Variants in HHAT observed in about 807,000 individuals in gnomAD.
HHAT encodes protein-cysteine N-palmitoyltransferase HHAT.
Under a neutral mutation model 70.8 loss-of-function variants are expected in HHAT, and 47 were observed. The observed-to-expected ratio is 0.66, with a 90% CI of 0.53 to 0.85. HHAT has a LOEUF of 0.85. HHAT is among the 40% of genes least tolerant of loss of function. HHAT has a pLI of 0.00. For synonymous variants in HHAT, 228 were observed against 247.6 expected, an observed-to-expected ratio of 0.92 and a Z score of 0.74; for missense variants, 609 against 604.8, an observed-to-expected ratio of 1.01 and a Z score of -0.07.
chr1:210,645,960 C>T (rs1673968123), intron 11 of HHAT, among the ~76,000 whole-genome samples: 1 of 152,178 alleles, frequency 6.6e-6, no homozygotes, highest in Non-Finnish European at 1.5e-5. Flanking sequence ...GTTTAGCCTC[C>T]CTGTTGCTGC....
At chr1:210,533,011 C>T (rs376151118) in intron 9 of HHAT, among the ~76,000 whole-genome samples, 1 of 152,152 alleles carries the variant, frequency 6.6e-6, no homozygotes, top group South Asian at 2.1e-4. Flanking sequence ...CTGGAATATA[C>T]CCTAGTTGAG....
intron 10 of HHAT, among the ~76,000 whole-genome samples, chr1:210,607,974 C>G (rs573584078): frequency 2.0e-5 from 3 of 152,276 alleles, no homozygotes; most frequent in African/African-American, 4.8e-5. Flanking sequence ...ATTTGCACTT[C>G]TTTTCACCCT....
intron 9 of HHAT, among the ~76,000 whole-genome samples, chr1:210,558,980 A>AGTG (rs1256479138): frequency 2.6e-5 from 4 of 152,222 alleles, no homozygotes; most frequent in African/African-American, 9.6e-5. Flanking sequence ...GATATCAATT[A>AGTG]GTGACTCATG....
At chr1:210,373,883 A>T (rs1439772363) in intron 3 of HHAT, among the ~76,000 whole-genome samples, 1 of 152,260 alleles carries the variant, frequency 6.6e-6, no homozygotes, top group Non-Finnish European at 1.5e-5. Context: ...AGGATCTTAA[A>T]GGCCATCACT....
intron 3 of HHAT, chr1:210,374,156 G>C (rs180810557): frequency 3.9e-5 from 6 of 152,092 alleles, no homozygotes; most frequent in African/African-American, 1.2e-4. Flanking sequence ...AACATGATCT[G>C]CCTCCCCAGG....
At chr1:210,515,169 G>A (rs1003674337) in intron 9 of HHAT, among the ~76,000 whole-genome samples, 3 of 152,228 alleles carry the variant, frequency 2.0e-5, no homozygotes, top group African/African-American at 7.2e-5. Context: ...CAGGTAGGGG[G>A]CAGAGTAAAT....
At chr1:210,405,515 T>C (rs570720075) in intron 6 of HHAT, among the ~76,000 whole-genome samples, 5 of 152,176 alleles carry the variant, frequency 3.3e-5, no homozygotes, top group Admixed American at 2.6e-4. Context: ...TACACAGACA[T>C]GCATGCACAC....
At position 210,469,184 on chromosome 1, in the gene HHAT, C is replaced by T. The variant is rs191746911; in HGVS notation, c.1007+4529C>T. Among the ~76,000 whole-genome samples, 161 of 152,206 alleles carry T rather than the reference C, an allele frequency of 1.1e-3. 1 individual carries two copies. Among genetic ancestry groups the T allele is most frequent in the African/African-American group, 3.7e-3 (154 of 41,536 alleles). On this transcript the variant is annotated intron_variant, in intron 8 of 11. Coordinates refer to ENST00000261458, the MANE Select transcript of HHAT (RefSeq NM_018194.6). The stretch of plus-strand genomic sequence containing the variant: ...GATGAAAGGCTCAATTTCAGCTCTG[C>T]ACCGGAGATGTGATGATTCTGAGAT...
At chr1:210,530,505 C>T (rs760973754) in intron 9 of HHAT, among the ~76,000 whole-genome samples, 24 of 152,136 alleles carry the variant, frequency 1.6e-4, no homozygotes, top group Admixed American at 3.9e-4. Context: ...AAATGGGTGA[C>T]AGTACCGGCA....
At chr1:210,596,681 G>C (rs1466085464) in intron 10 of HHAT, among the ~76,000 whole-genome samples, 2 of 152,004 alleles carry the variant, frequency 1.3e-5, no homozygotes, top group Non-Finnish European at 2.9e-5. Flanking sequence ...TTATTTCAGT[G>C]TCTGTTAAAT....
intron 5 of HHAT, among the ~76,000 whole-genome samples, chr1:210,403,055 T>A (rs2092153425): frequency 6.6e-6 from 1 of 152,212 alleles, no homozygotes; most frequent in African/African-American, 2.4e-5. Context: ...AACGGGATAA[T>A]CTATGTTAAG....
At chr1:210,440,957 A>G (rs1210525816) in intron 7 of HHAT, among the ~76,000 whole-genome samples, 1 of 152,218 alleles carries the variant, frequency 6.6e-6, no homozygotes, top group Non-Finnish European at 1.5e-5. Flanking sequence ...GAAAATGAGT[A>G]GCTCATAGAA....
Position 210,425,979 on chromosome 1 carries a change from G to C in HHAT, c.856+7654G>C, listed in dbSNP as rs187137565. Among the ~76,000 whole-genome samples the C allele has an allele frequency of 2.6e-3, 392 of 152,312 alleles. 9 individuals carry two copies. In the South Asian group the frequency reaches 0.058, roughly 23 times the overall value. ...TTGATTCTTCCCATCCATGAGCATG[G>C]AATGTTCTTCCATTTGTTTTGTATC... is the stretch of plus-strand genomic sequence containing the variant. On this transcript the variant is annotated intron_variant, in intron 7 of 11. Transcript: ENST00000261458.
At chr1:210,641,224 ATC>A (rs1254936745) in intron 11 of HHAT, among the ~76,000 whole-genome samples, 2 of 152,192 alleles carry the variant, frequency 1.3e-5, no homozygotes, top group African/African-American at 2.4e-5. Context: ...TCCTATTAGT[ATC>A]TCTTTTAGGA....
intron 3 of HHAT, among the ~76,000 whole-genome samples, chr1:210,365,073 A>G (rs2088775040): frequency 6.6e-6 from 1 of 152,174 alleles, no homozygotes; most frequent in Non-Finnish European, 1.5e-5. Flanking sequence ...AATATCCGGC[A>G]GAGGAAGGAC....
chr1:210,477,843 G>A (rs2094329088), intron 8 of HHAT, among the ~76,000 whole-genome samples: 2 of 152,168 alleles, frequency 1.3e-5, no homozygotes, highest in South Asian at 4.1e-4. Context: ...GAGACTAAGG[G>A]AAATGGACTT....
chr1:210,613,665 AT>A (rs1043878762), intron 10 of HHAT, among the ~76,000 whole-genome samples: 1 of 152,116 alleles, frequency 6.6e-6, no homozygotes, highest in African/African-American at 2.4e-5. Context: ...TGTCATTGGG[AT>A]TTTGATAGGG....
At position 210,530,772 on chromosome 1, in the gene HHAT, G is replaced by A. The variant is rs1305471284; in HGVS notation, c.1043+17584G>A. Among the ~76,000 whole-genome samples, 2 of 152,010 alleles carry A rather than the reference G, an allele frequency of 1.3e-5. 1 individual carries two copies. The highest frequency in any genetic ancestry group is 6.3e-3 in the Middle Eastern group (2 of 316). On this transcript the variant is annotated intron_variant, in intron 9 of 11. Coordinates refer to ENST00000261458, the MANE Select transcript of HHAT (RefSeq NM_018194.6). ...TAAGACAGCATGTTGACCGAACTAA[G>A]CCAATAGGAAAAAGAGGCAGGATTA...
At chr1:210,332,055 G>C (rs1282130247) in intron 1 of HHAT, among the ~76,000 whole-genome samples, 3 of 152,182 alleles carry the variant, frequency 2.0e-5, no homozygotes, top group Non-Finnish European at 4.4e-5. Context: ...GTACTTTAAT[G>C]TGGTTGATAA....
Sources: gnomAD v4.1 joint callset for allele counts (sites outside exome capture counted in the v4.1 genomes callset) on GRCh38, gnomAD v4.1.1 for gene constraint, MANE v1.5 for transcripts, NCBI Gene and HGNC (gene_info 2026-07-23, HGNC 2026-07-21) for gene names.